Variants in CEACAM16 observed in about 807,000 individuals in gnomAD.
The protein encoded by CEACAM16 is cell adhesion molecule CEACAM16.
In CEACAM16, 30 loss-of-function variants were observed where a neutral mutation model predicts 39.4. The ratio of observed to expected loss-of-function variants is 0.76; its 90% CI spans 0.57 to 1.03. The LOEUF (loss-of-function observed/expected upper bound fraction) is 1.03. CEACAM16 is among the 50% of genes least tolerant of loss of function. The pLI, the probability that CEACAM16 is intolerant of heterozygous loss-of-function variation, is 0.00. For synonymous variants in CEACAM16, 262 were observed against 264.9 expected (o/e 0.99, Z 0.11); for missense variants, 521 against 585.3 (o/e 0.89, Z 1.13).
At chr19:44,699,530 C>A (rs1002829606) in intron 1 of CEACAM16, 1 of 415,102 alleles carries the variant, frequency 2.4e-6, no homozygotes, top group African/African-American at 2.1e-5. Flanking sequence ...GTGCCCGCGA[C>A]CACACCCAGC....
At chr19:44,709,462 C>A (rs1435465994) in intron 6 of CEACAM16, among the ~76,000 whole-genome samples, 1 of 143,856 alleles carries the variant, frequency 7.0e-6, no homozygotes, top group Non-Finnish European at 1.5e-5. Flanking sequence ...TGGGAGCTCC[C>A]AGAGTCAGGG....
intron 5 of CEACAM16, among the ~76,000 whole-genome samples, chr19:44,706,658 C>G (rs1974455084): frequency 6.6e-6 from 1 of 152,186 alleles, no homozygotes; most frequent in Non-Finnish European, 1.5e-5. Context: ...GTGACTCCCG[C>G]TCCACTCATC....
chr19:44,706,269 T>TAC (rs57354088), intron 5 of CEACAM16, among the ~76,000 whole-genome samples: 36,346 of 131,956 alleles, frequency 0.28, 5,653 homozygotes, highest in Non-Finnish European at 0.38. Flanking sequence ...ATGATGGGTA[T>TAC]ACACACACAC....
In CEACAM16 at chr19:44,704,174, C is replaced by T. The variant is rs59028589; in HGVS notation, c.539C>T (p.Ser180Phe). Residue 180 changes from serine to phenylalanine, a missense_variant, in exon 4 of 7, where the codon TCC becomes TTC. Transcript: ENST00000587331. Reference protein sequence around the residue: ...ALPVALRLGLSPDGRVLARHG... With the variant: ...ALPVALRLGLFPDGRVLARHG... Reference sequence around the variant, plus strand: ...CCCGTCGCTCTCCGCCTGGGCCTGTCCCCTGACGGCCGGGTGCTGGCCAGG... The same window carrying T: ...CCCGTCGCTCTCCGCCTGGGCCTGTTCCCTGACGGCCGGGTGCTGGCCAGG... 393 of 1,578,212 alleles carry T rather than the reference C, an allele frequency of 2.5e-4. 5 individuals carry two copies. The East Asian group carries it at 8.2e-3, about 33-fold the overall frequency.
At chr19:44,706,297 C>CACACACACACACACACAT (rs1441436923) in intron 5 of CEACAM16, among the ~76,000 whole-genome samples, 76 of 125,180 alleles carry the variant, frequency 6.1e-4, no homozygotes, top group African/African-American at 9.2e-4. Flanking sequence ...CACACACACA[C>CACACACACACACACACAT]ACACACACAC....
At chr19:44,699,657 A>T (rs1027383123) in intron 1 of CEACAM16, among the ~76,000 whole-genome samples, 1 of 152,064 alleles carries the variant, frequency 6.6e-6, no homozygotes, top group African/African-American at 2.4e-5. Context: ...GACTACAGGC[A>T]TGAGCCACTG....
In CEACAM16 at chr19:44,699,251, G is replaced by T. The variant is rs375005046; in HGVS notation, c.-106G>T. 31 of 534,164 alleles carry T rather than the reference G, an allele frequency of 5.8e-5. 1 individual carries two copies. The highest frequency in any genetic ancestry group is 4.1e-4 in the South Asian group (29 of 71,482). 33.1% of individuals were successfully genotyped at this position (534,164 alleles called of 1,614,324 possible). A position where few individuals can be genotyped will look rare whatever the true frequency, so the allele number is the denominator to read the frequency against. ...GTGATTTACTGAGCATTTACTCTGC[G>T]CCAGTCGTGGTAAGTACTGTACTTC... On this transcript the variant is annotated 5_prime_UTR_variant, in exon 1 of 7. Coordinates refer to ENST00000587331, the MANE Select transcript of CEACAM16 (RefSeq NM_001039213.4).
At position 44,703,413 on chromosome 19, in the gene CEACAM16, G is replaced by A. The variant is rs767370949; in HGVS notation, c.102G>A (p.Gly34=). 1.9e-6 allele frequency: 3 copies of A among 1,613,804 alleles called. No individual in the cohort carries two copies. Among genetic ancestry groups the A allele is most frequent in the Non-Finnish European group, 1.7e-6 (2 of 1,179,892 alleles). ...ITLEPAQPSE[G]DNVTLVVHGL... ...TGGAGCCTGCCCAGCCGAGCGAAGG[G>A]GACAACGTCACGCTGGTCGTCCATG... Residue 34 remains glycine, a synonymous_variant, in exon 3 of 7, where the codon GGG becomes GGA. Coordinates refer to ENST00000587331, the MANE Select transcript of CEACAM16 (RefSeq NM_001039213.4).
rs542004391 is a variant in CEACAM16 at position 44,703,581 on chromosome 19, T to C, written c.270T>C (p.Asp90=). The C allele has an allele frequency of 3.0e-5, 48 of 1,609,860 alleles. No individual in the cohort carries two copies. Among genetic ancestry groups the C allele is most frequent in the Non-Finnish European group, 3.6e-5 (42 of 1,178,756 alleles). Residue 90 remains aspartate (D), a synonymous_variant, in exon 3 of 7, where the codon GAT becomes GAC. Coordinates refer to ENST00000587331, the MANE Select transcript of CEACAM16 (RefSeq NM_001039213.4). ...AHTGREAVRP[D]GSLDIQGILP... ...CGGGGCGGGAGGCTGTGCGCCCCGA[T>C]GGCAGCCTGGACATCCAGGGCATCC...
intron 6 of CEACAM16, 105 bp from the exon 7 acceptor site, chr19:44,710,391 G>A (rs1208455595): frequency 1.5e-6 from 2 of 1,297,064 alleles, no homozygotes; most frequent in African/African-American, 3.0e-5. Flanking sequence ...GGGCCACTGG[G>A]TGGCCCGGGG....
At position 44,701,904 on chromosome 19, in the gene CEACAM16, G is replaced by A. The variant is rs62120568; in HGVS notation, c.37+411G>A. On this transcript the variant is annotated intron_variant, in intron 2 of 6. Coordinates refer to ENST00000587331, the MANE Select transcript of CEACAM16 (RefSeq NM_001039213.4). The surrounding 1 kb of genome is among the most constrained non-coding windows in gnomAD (Gnocchi z 4.0). Reference sequence around the variant, plus strand: ...GCCTCTGTGTACCCACCTGTGAATGGGGCCTCACTGACAGGGTCATGTAAA... The same window carrying A: ...GCCTCTGTGTACCCACCTGTGAATGAGGCCTCACTGACAGGGTCATGTAAA... 0.041 allele frequency among the ~76,000 whole-genome samples: 6,215 copies of A among 152,238 alleles called. 164 individuals carry two copies. Among genetic ancestry groups the A allele is most frequent in the South Asian group, 0.066 (317 of 4,832 alleles).
chr19:44,704,167 G>A lies in CEACAM16; in HGVS notation c.532G>A (p.Gly178Ser). The part of the protein sequence containing the change: ...GGALPVALRL[G>S]LSPDGRVLAR... ...GGCCCTGCCCGTCGCTCTCCGCCTG[G>A]GCCTGTCCCCTGACGGCCGGGTGCT... Residue 178 changes from glycine to serine, a missense_variant, in exon 4 of 7, where the codon GGC becomes AGC. Gly to Ser is a moderately conservative substitution (Grantham distance 56). Transcript: ENST00000587331. 2 of 1,584,408 alleles carry A rather than the reference G, an allele frequency of 1.3e-6. No individual in the cohort carries two copies. Among genetic ancestry groups the A allele is most frequent in the Non-Finnish European group, 1.7e-6 (2 of 1,166,126 alleles).
rs1218433878 is a variant in CEACAM16 at position 44,708,087 on chromosome 19, G to T, written c.1167G>T (p.Leu389Phe). The part of the protein sequence containing the change: ...REVGFPNCSL[L>F]VQKLNLTDTG... Reference sequence around the variant, plus strand: ...TGGGCTTCCCCAACTGCTCGCTGTTGGTGCAGAAGCTGAACCTCACAGACA... The same window carrying T: ...TGGGCTTCCCCAACTGCTCGCTGTTTGTGCAGAAGCTGAACCTCACAGACA... Residue 389 changes from leucine (L) to phenylalanine (F), a missense_variant, in exon 6 of 7, where the codon TTG becomes TTT. Coordinates refer to ENST00000587331, the MANE Select transcript of CEACAM16 (RefSeq NM_001039213.4). The T allele has an allele frequency of 1.2e-6, 2 of 1,611,850 alleles. No homozygotes were observed. The highest frequency in any genetic ancestry group is 3.3e-5 in the Admixed American group (2 of 59,762).
Position 44,701,424 on chromosome 19 carries a change from CCACCA to C in CEACAM16, c.-32_-28del, listed in dbSNP as rs1182370402. On this transcript the variant is annotated 5_prime_UTR_variant, in exon 2 of 7. An upstream open reading frame in the 5' UTR loses its in-frame stop. Coordinates refer to ENST00000587331, the MANE Select transcript of CEACAM16 (RefSeq NM_001039213.4). The surrounding 1 kb of genome is among the most constrained non-coding windows in gnomAD (Gnocchi z 4.0). ...GAGTCCGAGCACTGGGACTTCAACGCCACCATCTCCAAGACTCGGTTTGGGGTGAA... is the reference window on the plus strand; with the variant it reads ...GAGTCCGAGCACTGGGACTTCAACGCTCTCCAAGACTCGGTTTGGGGTGAA... 1 of 1,556,558 alleles carries C rather than the reference CCACCA, an allele frequency of 6.4e-7. No homozygotes were observed. Among genetic ancestry groups the C allele is most frequent in the Non-Finnish European group, 8.7e-7 (1 of 1,149,516 alleles).
chr19:44,699,448 T>C (rs1254844659), intron 1 of CEACAM16, 188 bp downstream of exon 1: 1 of 468,250 alleles, frequency 2.1e-6, no homozygotes, highest in Admixed American at 2.4e-5. Context: ...TTTTTTGAGA[T>C]GGAGTTTCAC....
chr19:44,702,346 C>A (rs1974360540), intron 2 of CEACAM16, among the ~76,000 whole-genome samples: 1 of 151,990 alleles, frequency 6.6e-6, no homozygotes. Context: ...ACATGAACCG[C>A]ACTTCATAGG....
In CEACAM16 at chr19:44,703,563, G is replaced by A; in HGVS notation, c.252G>A (p.Arg84=). 7.4e-6 allele frequency: 12 copies of A among 1,612,146 alleles called. No homozygotes were observed. Among genetic ancestry groups the A allele is most frequent in the Non-Finnish European group, 9.3e-6 (11 of 1,179,502 alleles). ...DETPGPAHTG[R]EAVRPDGSLD... ...CTCCTGGCCCGGCCCACACGGGGCG[G>A]GAGGCTGTGCGCCCCGATGGCAGCC... is the stretch of plus-strand genomic sequence containing the variant. Residue 84 remains arginine, a synonymous_variant, in exon 3 of 7, where the codon CGG becomes CGA. Coordinates refer to ENST00000587331, the MANE Select transcript of CEACAM16 (RefSeq NM_001039213.4).
chr19:44,710,331 C>A (rs1186918070), intron 6 of CEACAM16, among the ~76,000 whole-genome samples, 165 bp from the exon 7 acceptor site: 3 of 152,188 alleles, frequency 2.0e-5, no homozygotes, highest in Non-Finnish European at 4.4e-5. Context: ...CAAGGACCAA[C>A]GCTACCTTCC....
chr19:44,699,875 G>C (rs559494921), intron 1 of CEACAM16, among the ~76,000 whole-genome samples: 132 of 152,220 alleles, frequency 8.7e-4, no homozygotes, highest in African/African-American at 3.2e-3. Flanking sequence ...ACCCAGGCTG[G>C]AGTGCAGTGG....
Sources: allele counts gnomAD v4.1 joint callset (sites outside exome capture counted in the v4.1 genomes callset), GRCh38; gene constraint gnomAD v4.1.1; non-coding constraint Gnocchi (gnomAD v3.1); transcripts MANE v1.5; gene names NCBI Gene and HGNC (gene_info 2026-07-23, HGNC 2026-07-21).